The following CARHSP1 variants were observed in gnomAD, a reference collection of about 807,000 sequenced individuals.
CARHSP1 encodes calcium regulated heat stable protein 1.
Under a neutral mutation model 12.5 loss-of-function variants are expected in CARHSP1, and 14 were observed. The ratio of observed to expected loss-of-function variants is 1.12; its 90% CI spans 0.74 to 1.75. CARHSP1 has a LOEUF of 1.75. Among genes scored for constraint, CARHSP1 ranks in the 40% most tolerant of loss-of-function variants. The pLI, the probability that CARHSP1 is intolerant of heterozygous loss-of-function variation, is 0.00. For synonymous variants in CARHSP1, 161 were observed against 82.0 expected, an observed-to-expected ratio of 1.96 and a Z score of -5.20; for missense variants, 343 against 201.6, an observed-to-expected ratio of 1.70 and a Z score of -4.25.
chr16:8,855,629 C>CATTTG (rs2061076339), intron 3 of CARHSP1, among the ~76,000 whole-genome samples: 1 of 152,182 alleles, frequency 6.6e-6, no homozygotes, highest in Non-Finnish European at 1.5e-5. Context: ...GGGAGGGAGC[C>CATTTG]TGGGCTTGTG....
chr16:8,853,429 C>T lies in CARHSP1; in HGVS notation c.*1735G>A, dbSNP rs889964785. ...GCATCGCAGGCGAGGAAACAATGGC[C>T]AGGACCTAACTGTGGTGGGAACTGC... On this transcript the variant is annotated 3_prime_UTR_variant, in exon 4 of 4. Coordinates refer to ENST00000311052, the MANE Select transcript of CARHSP1 (RefSeq NM_014316.4). The T allele has an allele frequency of 7.2e-6, 1 of 139,728 alleles. No homozygotes were observed. Among genetic ancestry groups the T allele is most frequent in the African/African-American group, 2.7e-5 (1 of 36,726 alleles). 8.7% of individuals were successfully genotyped at this position (139,728 alleles called of 1,614,324 possible). A position where few individuals can be genotyped will look rare whatever the true frequency, so the allele number is the denominator to read the frequency against.
At chr16:8,868,556 G>A (rs1346451077) in intron 1 of CARHSP1, 1 of 147,982 alleles carries the variant, frequency 6.8e-6, no homozygotes, top group Admixed American at 6.7e-5. Flanking sequence ...GGCGCGGCCA[G>A]GCCCGGCGGG....
chr16:8,858,347 C>T lies in CARHSP1; in HGVS notation c.281+3G>A. ...AGGCCACCCAGACCTGCCGCTGACT[C>T]ACTCAGAGATGTGCAGGAAGATGTC... On this transcript the variant is annotated splice_donor_region_variant and intron_variant, in intron 3 of 3. Transcript: ENST00000311052. 6.2e-7 allele frequency: 1 copy of T among 1,613,336 alleles called. No homozygotes were observed. Among genetic ancestry groups the T allele is most frequent in the Non-Finnish European group, 8.5e-7 (1 of 1,179,826 alleles).
Position 8,854,418 on chromosome 16 carries a change from G to A in CARHSP1, c.*746C>T, listed in dbSNP as rs1435333184. ...GGCTGTGAAATGGCTGTTGAGTGAT[G>A]GTCACACAACCAGAAGGCAGATGAA... is the stretch of plus-strand genomic sequence containing the variant. On this transcript the variant is annotated 3_prime_UTR_variant, in exon 4 of 4. Coordinates refer to ENST00000311052, the MANE Select transcript of CARHSP1 (RefSeq NM_014316.4). 2 of 152,182 alleles carry A rather than the reference G, an allele frequency of 1.3e-5. No homozygotes were observed. Among genetic ancestry groups the A allele is most frequent in the Admixed American group, 6.6e-5 (1 of 15,262 alleles). The allele number at this position is 152,182 out of a possible 1,614,324, so 9.4% of individuals were successfully genotyped here.
chr16:8,857,272 T>G (rs1166774869), intron 3 of CARHSP1, among the ~76,000 whole-genome samples: 295 of 29,316 alleles, frequency 0.01, 22 homozygotes, highest in African/African-American at 0.03. Flanking sequence ...TGTTTTTTTT[T>G]TTTTTTTTTT....
chr16:8,856,164 G>A (rs1403971417), intron 3 of CARHSP1, among the ~76,000 whole-genome samples: 6 of 152,120 alleles, frequency 3.9e-5, no homozygotes, highest in African/African-American at 1.4e-4. Context: ...TCCTGGAGGG[G>A]CCTCTCCCTG....
At chr16:8,864,803 C>T (rs1281978506) in intron 1 of CARHSP1, among the ~76,000 whole-genome samples, 2 of 152,190 alleles carry the variant, frequency 1.3e-5, no homozygotes, top group Non-Finnish European at 2.9e-5. Flanking sequence ...AAGGGGGCCT[C>T]GGCCGAAAAT....
In CARHSP1 at chr16:8,866,432, C is replaced by A; in HGVS notation, c.-8+2534G>T. On this transcript the variant is annotated intron_variant, in intron 1 of 3. Coordinates refer to ENST00000311052, the MANE Select transcript of CARHSP1 (RefSeq NM_014316.4). ...GAGTAGCGAAGTTACCTTAGTGCAC[C>A]TGGGTTCCTCCTTTGTAAACAGACA... 4 of 985,302 alleles carry A rather than the reference C, an allele frequency of 4.1e-6. No individual in the cohort carries two copies. The South Asian group carries it at 1.4e-4, about 35-fold the overall frequency. The allele number at this position is 985,302 out of a possible 1,614,324, so 61.0% of individuals were successfully genotyped here. A position where few individuals can be genotyped will look rare whatever the true frequency, so the allele number is the denominator to read the frequency against.
At chr16:8,861,762 G>C in intron 1 of CARHSP1, 1 of 1,281,986 alleles carries the variant, frequency 7.8e-7, no homozygotes, top group South Asian at 1.2e-5. Flanking sequence ...TGGCCTGGGG[G>C]CCAGGGCCCC....
At position 8,852,958 on chromosome 16, in the gene CARHSP1, A is replaced by G. The variant is rs892067955; in HGVS notation, c.*2206T>C. 4 of 152,178 alleles carry G rather than the reference A, an allele frequency of 2.6e-5. No individual in the cohort carries two copies. Among genetic ancestry groups the G allele is most frequent in the Non-Finnish European group, 5.9e-5 (4 of 68,016 alleles). The allele number at this position is 152,178 out of a possible 1,614,324, so 9.4% of individuals were successfully genotyped here. A position where few individuals can be genotyped will look rare whatever the true frequency, so the allele number is the denominator to read the frequency against. On this transcript the variant is annotated 3_prime_UTR_variant, in exon 4 of 4. Transcript: ENST00000311052. ...ACACACGCATAGCCTTGCACAAAAC[A>G]AAAATTTATTGGGAGAAAGATGGCT... is the stretch of plus-strand genomic sequence containing the variant.
rs1367545344 is a variant in CARHSP1 at position 8,853,412 on chromosome 16, G to A, written c.*1752C>T. 1 of 141,570 alleles carries A rather than the reference G, an allele frequency of 7.1e-6. No homozygotes were observed. The highest frequency in any genetic ancestry group is 1.5e-5 in the Non-Finnish European group (1 of 64,652). 8.8% of individuals were successfully genotyped at this position (141,570 alleles called of 1,614,324 possible). Reference sequence around the variant, plus strand: ...GTGAGGATGTACAAGGAGCATCGCAGGCGAGGAAACAATGGCCAGGACCTA... The same window carrying A: ...GTGAGGATGTACAAGGAGCATCGCAAGCGAGGAAACAATGGCCAGGACCTA... On this transcript the variant is annotated 3_prime_UTR_variant, in exon 4 of 4. Coordinates refer to ENST00000311052, the MANE Select transcript of CARHSP1 (RefSeq NM_014316.4).
In CARHSP1 at chr16:8,854,269, C is replaced by G. The variant is rs756155219; in HGVS notation, c.*895G>C. The G allele has an allele frequency of 1.3e-5, 2 of 152,186 alleles. No homozygotes were observed. The highest frequency in any genetic ancestry group is 2.9e-5 in the Non-Finnish European group (2 of 68,038). 9.4% of individuals were successfully genotyped at this position (152,186 alleles called of 1,614,324 possible). A position where few individuals can be genotyped will look rare whatever the true frequency, so the allele number is the denominator to read the frequency against. The stretch of plus-strand genomic sequence containing the variant: ...AACTTTCTTGACTTTGCCAGGCTGT[C>G]AGGATGCAAGCTACCTACTCTTTTC... On this transcript the variant is annotated 3_prime_UTR_variant, in exon 4 of 4. Coordinates refer to ENST00000311052, the MANE Select transcript of CARHSP1 (RefSeq NM_014316.4).
At position 8,859,231 on chromosome 16, in the gene CARHSP1, G is replaced by C; in HGVS notation, c.98C>G (p.Pro33Arg). Residue 33 changes from proline (P) to arginine (R), a missense_variant, in exon 2 of 4, where the codon CCT becomes CGT. By Grantham distance (103) the Pro-to-Arg change is moderately radical (BLOSUM62 -2). Transcript: ENST00000311052. ...GCTTGGGACCACGTTGCCCCGCAGA[G>C]GGGATGGTGAGCGCTCACGGCTCCG... The part of the protein sequence containing the change: ...TPRSRERSPS[P>R]LRGNVVPSPL... The C allele has an allele frequency of 6.2e-7, 1 of 1,602,558 alleles. No individual in the cohort carries two copies. The highest frequency in any genetic ancestry group is 8.5e-7 in the Non-Finnish European group (1 of 1,176,818).
intron 2 of CARHSP1, 41 bp downstream of exon 2, chr16:8,859,130 G>A (rs773056685): frequency 1.3e-6 from 2 of 1,533,820 alleles, no homozygotes; most frequent in Non-Finnish European, 1.8e-6. Context: ...TCAGGCAAGA[G>A]ATCCATCTGA....
At chr16:8,859,405 C>G (rs1011547974) in intron 1 of CARHSP1, 70 bp from the exon 2 acceptor site, 8 of 1,366,652 alleles carry the variant, frequency 5.9e-6, no homozygotes, top group Non-Finnish European at 8.0e-6. Context: ...CCCCCATGTC[C>G]ACGTCTGACA....
intron 1 of CARHSP1, among the ~76,000 whole-genome samples, chr16:8,860,775 G>A (rs1286355691): frequency 2.0e-5 from 3 of 152,120 alleles, no homozygotes; most frequent in Non-Finnish European, 4.4e-5. Context: ...CATGGGCCAG[G>A]TGCGGTGGCT....
chr16:8,855,778 G>C (rs2061082325), intron 3 of CARHSP1, among the ~76,000 whole-genome samples: 1 of 152,194 alleles, frequency 6.6e-6, no homozygotes, highest in Non-Finnish European at 1.5e-5. Flanking sequence ...GGTTCCAGGA[G>C]TCTCAGAAAC....
intron 3 of CARHSP1, 171 bp downstream of exon 3, chr16:8,858,179 C>T: frequency 2.6e-6 from 2 of 769,402 alleles, no homozygotes; most frequent in African/African-American, 1.8e-5. Flanking sequence ...CAACCCCAAC[C>T]CAACACACAC....
At chr16:8,855,380 C>T in intron 3 of CARHSP1, 54 bp from the exon 4 acceptor site, 12 of 1,390,034 alleles carry the variant, frequency 8.6e-6, no homozygotes, top group Non-Finnish European at 1.1e-5. Context: ...CAGCTCCCTT[C>T]CCCAAGACAC....
Sources: allele counts gnomAD v4.1 joint callset (sites outside exome capture counted in the v4.1 genomes callset), GRCh38; gene constraint gnomAD v4.1.1; transcripts MANE v1.5; gene names NCBI Gene and HGNC (gene_info 2026-07-23, HGNC 2026-07-21).